The following PRIM2 variants were observed in gnomAD, a reference collection of about 807,000 sequenced individuals.
The protein encoded by PRIM2 is DNA primase large subunit.
In PRIM2, 39 loss-of-function variants were observed where a neutral mutation model predicts 67.3. That is an observed-to-expected ratio of 0.58 (90% CI 0.45 to 0.76). The LOEUF is 0.76. PRIM2 is among the 30% of genes least tolerant of loss of function. The pLI, the probability that PRIM2 is intolerant of heterozygous loss-of-function variation, is 0.00. For missense variants in PRIM2, 398 were observed against 598.7 expected (o/e 0.66, Z 3.50); for synonymous variants, 143 against 198.7 (o/e 0.72, Z 2.36).
intron 12 of PRIM2, among the ~76,000 whole-genome samples, chr6:57,619,840 A>G (rs1184451208): frequency 4.6e-5 from 7 of 152,242 alleles, no homozygotes; most frequent in Non-Finnish European, 8.8e-5. Context: ...CTTAGAAAAC[A>G]TATTTGGGGG....
intron 7 of PRIM2, among the ~76,000 whole-genome samples, chr6:57,395,750 C>T (rs1457565292): frequency 6.6e-6 from 1 of 151,936 alleles, no homozygotes; most frequent in Non-Finnish European, 1.5e-5. Context: ...GAGGTGTGAC[C>T]TTAGAATGTC....
At chr6:57,426,549 G>A (rs1771632296) in intron 7 of PRIM2, among the ~76,000 whole-genome samples, 1 of 152,138 alleles carries the variant, frequency 6.6e-6, no homozygotes, top group Admixed American at 6.6e-5. Flanking sequence ...GCTAGTCATC[G>A]AGGAAATGCA....
intron 10 of PRIM2, among the ~76,000 whole-genome samples, chr6:57,592,119 G>A (rs1209760213): frequency 3.9e-5 from 6 of 151,986 alleles, no homozygotes; most frequent in African/African-American, 1.4e-4. Context: ...GCTAAACATT[G>A]GGTACGCATG....
At chr6:57,239,822 A>G in the PRIM2 span, among the ~76,000 whole-genome samples, 1 of 152,168 alleles carries the variant, frequency 6.6e-6, no homozygotes, top group Admixed American at 6.6e-5. Flanking sequence ...TTCTAGTGCC[A>G]TGATTATATT....
At chr6:57,469,073 T>A (rs1773274602) in intron 7 of PRIM2, among the ~76,000 whole-genome samples, 2 of 152,198 alleles carry the variant, frequency 1.3e-5, no homozygotes, top group African/African-American at 4.8e-5. Flanking sequence ...GTGGCTGGTG[T>A]CAGGCAGTGA....
chr6:57,326,305 A>G (rs1767852084), intron 5 of PRIM2: 1 of 300,356 alleles, frequency 3.3e-6, no homozygotes, highest in South Asian at 1.1e-4. Flanking sequence ...TTTAGTTTAT[A>G]AAGGTTCATC....
chr6:57,612,699 C>T (rs1344411860), intron 12 of PRIM2, among the ~76,000 whole-genome samples: 1 of 151,124 alleles, frequency 6.6e-6, no homozygotes, highest in South Asian at 2.1e-4. Context: ...AAAACTTTTA[C>T]TTTTTTAGAA....
intron 5 of PRIM2, among the ~76,000 whole-genome samples, chr6:57,348,692 T>A (rs1423210668): frequency 1.3e-5 from 2 of 152,034 alleles, no homozygotes; most frequent in Non-Finnish European, 2.9e-5. Flanking sequence ...CTGGTGCATT[T>A]ACAGTGCACT....
At chr6:57,228,476 A>G in the PRIM2 span, among the ~76,000 whole-genome samples, 1 of 152,326 alleles carries the variant, frequency 6.6e-6, no homozygotes, top group East Asian at 1.9e-4. Flanking sequence ...ATGAACACCT[A>G]TTTTAAACAT....
In PRIM2 at chr6:57,357,079, G is replaced by A. The variant is rs556603974; in HGVS notation, c.460-22822G>A. Among the ~76,000 whole-genome samples, 7 of 151,944 alleles carry A rather than the reference G, an allele frequency of 4.6e-5. No individual in the cohort carries two copies. The East Asian group carries it at 5.8e-4, about 13-fold the overall frequency. On this transcript the variant is annotated intron_variant, in intron 5 of 13. Coordinates refer to ENST00000615550, the MANE Select transcript of PRIM2 (RefSeq NM_000947.5). ...CTCCCAAGTAGCTGGGACTACAGGC[G>A]CACACCACCATGCCCAGCTCATTTT...
At chr6:57,222,841 C>T in the PRIM2 span, among the ~76,000 whole-genome samples, 2 of 152,226 alleles carry the variant, frequency 1.3e-5, no homozygotes, top group Admixed American at 6.5e-5. Flanking sequence ...CTGCATTCTT[C>T]TACTTTGCTG....
intron 7 of PRIM2, among the ~76,000 whole-genome samples, chr6:57,416,731 C>T (rs1457712068): frequency 6.6e-6 from 1 of 152,108 alleles, no homozygotes; most frequent in East Asian, 1.9e-4. Context: ...TGCTGCTTCA[C>T]CTTGTACTTT....
chr6:57,432,701 A>G (rs906687378), intron 7 of PRIM2, among the ~76,000 whole-genome samples: 3 of 152,230 alleles, frequency 2.0e-5, no homozygotes, highest in African/African-American at 7.2e-5. Context: ...TTAAGACCTT[A>G]TATACCTCAC....
At chr6:57,401,923 G>A (rs1770721294) in intron 7 of PRIM2, among the ~76,000 whole-genome samples, 1 of 152,196 alleles carries the variant, frequency 6.6e-6, no homozygotes, top group South Asian at 2.1e-4. Context: ...ATTAGTCTGA[G>A]GGTAGCAAGG....
chr6:57,603,914 C>T (rs1312211731), intron 11 of PRIM2, among the ~76,000 whole-genome samples: 1,692 of 152,144 alleles, frequency 0.011, 17 homozygotes, highest in Non-Finnish European at 0.017. Flanking sequence ...AGATGTATTC[C>T]TAAATATTTT....
chr6:57,432,078 T>G (rs1349871810), intron 7 of PRIM2, among the ~76,000 whole-genome samples: 2 of 152,204 alleles, frequency 1.3e-5, no homozygotes, highest in Admixed American at 1.3e-4. Context: ...TATCACCAAT[T>G]TAGCCTTTTT....
chr6:57,580,955 GA>G (rs1323619778), intron 10 of PRIM2, among the ~76,000 whole-genome samples: 1 of 149,408 alleles, frequency 6.7e-6, no homozygotes, highest in African/African-American at 2.5e-5. Context: ...AACTATGAAA[GA>G]AAAAAAAATA....
chr6:57,378,114 G>T (rs1272950833), intron 5 of PRIM2, among the ~76,000 whole-genome samples: 1 of 149,990 alleles, frequency 6.7e-6, no homozygotes, highest in Non-Finnish European at 1.5e-5. Flanking sequence ...AGACTGGAGT[G>T]CAGTAATGTG....
chr6:57,423,037 C>T (rs950951885), intron 7 of PRIM2, among the ~76,000 whole-genome samples: 1 of 152,096 alleles, frequency 6.6e-6, no homozygotes, highest in African/African-American at 2.4e-5. Flanking sequence ...ACACAAATGG[C>T]TGATTTTTGT....
Sources: allele counts gnomAD v4.1 joint callset (sites outside exome capture counted in the v4.1 genomes callset), GRCh38; gene constraint gnomAD v4.1.1; transcripts MANE v1.5; gene names NCBI Gene and HGNC (gene_info 2026-07-23, HGNC 2026-07-21).